The following XPR1 variants were observed in gnomAD, a reference collection of about 807,000 sequenced individuals.
XPR1 encodes the protein xenotropic and polytropic retrovirus receptor 1.
A neutral mutation model predicts 87.5 loss-of-function variants in XPR1; 28 were observed. The ratio of observed to expected loss-of-function variants is 0.32; its 90% CI spans 0.24 to 0.44. The LOEUF is 0.44. XPR1 is among the 20% of genes least tolerant of loss of function. The pLI is 1.00. For missense variants in XPR1, 559 were observed against 862.3 expected (o/e 0.65, Z 4.41); for synonymous variants, 300 against 306.1 (o/e 0.98, Z 0.21).
intron 7 of XPR1, among the ~76,000 whole-genome samples, chr1:180,820,108 C>A (rs910337059): frequency 6.6e-6 from 1 of 151,926 alleles, no homozygotes; most frequent in Middle Eastern, 3.4e-3. Context: ...ATATTTATTA[C>A]TTTTTTCCTT....
chr1:180,770,003 A>G (rs1194220233), intron 2 of XPR1, among the ~76,000 whole-genome samples: 1 of 152,098 alleles, frequency 6.6e-6, no homozygotes, highest in Admixed American at 6.5e-5. Context: ...TTTCTCTTAA[A>G]TAATTATTTT....
At chr1:180,780,171 T>C (rs1395969292) in intron 2 of XPR1, among the ~76,000 whole-genome samples, 1 of 152,244 alleles carries the variant, frequency 6.6e-6, no homozygotes, top group Non-Finnish European at 1.5e-5. Flanking sequence ...CTCTTGGGTA[T>C]GTACCTAGAA....
chr1:180,652,006 G>T lies in XPR1; in HGVS notation c.69+19736G>T, dbSNP rs60708455. On this transcript the variant is annotated intron_variant, in intron 1 of 14. Coordinates refer to ENST00000367590, the MANE Select transcript of XPR1 (RefSeq NM_004736.4). ...GCCTGTGGCCTATAAAAGTTGAAGTGACAGGCCAGGCGTGGTGGCTCACGC... is the reference window on the plus strand; with the variant it reads ...GCCTGTGGCCTATAAAAGTTGAAGTTACAGGCCAGGCGTGGTGGCTCACGC... Among the ~76,000 whole-genome samples, 879 of 152,142 alleles carry T rather than the reference G, an allele frequency of 5.8e-3. 17 individuals carry two copies. Among genetic ancestry groups the T allele is most frequent in the African/African-American group, 0.02 (810 of 41,518 alleles).
chr1:180,727,710 A>G (rs940679317), intron 2 of XPR1, among the ~76,000 whole-genome samples: 3 of 152,230 alleles, frequency 2.0e-5, no homozygotes, highest in African/African-American at 4.8e-5. Flanking sequence ...TGGCTGCTCC[A>G]TAGACAAGAG....
intron 10 of XPR1, among the ~76,000 whole-genome samples, chr1:180,835,318 A>G (rs1651241645): frequency 6.6e-6 from 1 of 152,214 alleles, no homozygotes; most frequent in South Asian, 2.1e-4. Flanking sequence ...ATTGGTAGTT[A>G]TATTGCAAGT....
chr1:180,809,169 A>G (rs1459545125), intron 6 of XPR1, among the ~76,000 whole-genome samples: 2 of 152,174 alleles, frequency 1.3e-5, no homozygotes, highest in East Asian at 1.9e-4. Flanking sequence ...GGTACCTACT[A>G]TATGATATCA....
chr1:180,790,217 C>T (rs993304674), intron 3 of XPR1, among the ~76,000 whole-genome samples: 14 of 152,114 alleles, frequency 9.2e-5, no homozygotes, highest in Admixed American at 3.3e-4. Context: ...CTTTATTCCA[C>T]GGGAGATCTT....
chr1:180,723,892 T>C (rs773270031), intron 2 of XPR1, among the ~76,000 whole-genome samples: 4 of 152,198 alleles, frequency 2.6e-5, no homozygotes, highest in Non-Finnish European at 5.9e-5. Flanking sequence ...CCTTTCTTTT[T>C]GGATGTTGTA....
intron 2 of XPR1, among the ~76,000 whole-genome samples, chr1:180,717,174 G>A (rs1407350002): frequency 6.6e-6 from 1 of 152,094 alleles, no homozygotes; most frequent in Non-Finnish European, 1.5e-5. Flanking sequence ...TGTATTTTTA[G>A]TAGAGAAGGT....
chr1:180,750,620 A>G (rs2102036921), intron 2 of XPR1, among the ~76,000 whole-genome samples: 1 of 152,218 alleles, frequency 6.6e-6, no homozygotes, highest in South Asian at 2.1e-4. Flanking sequence ...ATCTTTATGC[A>G]GGTGCAACAT....
chr1:180,724,012 T>C (rs1288654846), intron 2 of XPR1, among the ~76,000 whole-genome samples: 2 of 152,246 alleles, frequency 1.3e-5, no homozygotes. Context: ...CTTCTGAATA[T>C]GTTAATACTT....
At chr1:180,654,443 C>T (rs574335083) in intron 1 of XPR1, among the ~76,000 whole-genome samples, 1 of 152,196 alleles carries the variant, frequency 6.6e-6, no homozygotes, top group African/African-American at 2.4e-5. Flanking sequence ...TCACCTTAAT[C>T]ATTTTTAAGT....
At chr1:180,799,874 G>T (rs923083262) in intron 3 of XPR1, among the ~76,000 whole-genome samples, 1 of 152,104 alleles carries the variant, frequency 6.6e-6, no homozygotes, top group Non-Finnish European at 1.5e-5. Flanking sequence ...CTATCACAGA[G>T]ACCACCTAGT....
chr1:180,642,970 A>G (rs976982413), intron 1 of XPR1, among the ~76,000 whole-genome samples: 1 of 152,188 alleles, frequency 6.6e-6, no homozygotes, highest in Non-Finnish European at 1.5e-5. Context: ...GAAGTATCCA[A>G]ACATAGTTAA....
chr1:180,635,221 G>T lies in XPR1; in HGVS notation c.69+2951G>T, dbSNP rs1281221891. Among the ~76,000 whole-genome samples, 34 of 152,178 alleles carry T rather than the reference G, an allele frequency of 2.2e-4. 1 individual carries two copies. The highest frequency in any genetic ancestry group is 2.2e-3 in the Admixed American group (34 of 15,280). ...TCTTCAATCCATTTGTAAGTAGTTT[G>T]TGCAAAGAATAAACACAAACAAGCC... is the stretch of plus-strand genomic sequence containing the variant. On this transcript the variant is annotated intron_variant, in intron 1 of 14. Transcript: ENST00000367590.
At chr1:180,683,930 G>C (rs1245343094) in intron 2 of XPR1, among the ~76,000 whole-genome samples, 1 of 152,020 alleles carries the variant, frequency 6.6e-6, no homozygotes, top group Non-Finnish European at 1.5e-5. Flanking sequence ...CACTCTGATG[G>C]TAGTTTCTTT....
intron 1 of XPR1, among the ~76,000 whole-genome samples, chr1:180,652,065 G>A (rs546642310): frequency 2.6e-5 from 4 of 152,276 alleles, no homozygotes; most frequent in South Asian, 2.1e-4. Context: ...GCCAAGGCGC[G>A]CGGATCACAT....
intron 2 of XPR1, among the ~76,000 whole-genome samples, chr1:180,780,177 T>G (rs2102077854): frequency 6.6e-6 from 1 of 152,364 alleles, no homozygotes; most frequent in East Asian, 1.9e-4. Context: ...GGTATGTACC[T>G]AGAAGTAGAA....
Position 180,746,914 on chromosome 1 carries a change from C to T in XPR1, c.122-40839C>T, listed in dbSNP as rs537924120. ...AGTTTGTTGTTTTGTATATAAAATGCGCATCTACCTACCTGGCTTTAAAAT... is the reference window on the plus strand; with the variant it reads ...AGTTTGTTGTTTTGTATATAAAATGTGCATCTACCTACCTGGCTTTAAAAT... On this transcript the variant is annotated intron_variant, in intron 2 of 14. Transcript: ENST00000367590. Among the ~76,000 whole-genome samples the T allele has an allele frequency of 2.8e-4, 42 of 152,170 alleles. No homozygotes were observed. In the South Asian group the frequency reaches 3.9e-3, roughly 14 times the overall value.
Sources: gnomAD v4.1 joint callset for allele counts (sites outside exome capture counted in the v4.1 genomes callset) on GRCh38, gnomAD v4.1.1 for gene constraint, MANE v1.5 for transcripts, NCBI Gene and HGNC (gene_info 2026-07-23, HGNC 2026-07-21) for gene names.